SLC8A1: variants seen among roughly 807,000 people sequenced by gnomAD.
SLC8A1 encodes the protein sodium/calcium exchanger 1.
SLC8A1 carries 18 observed loss-of-function variants against 68.3 expected under a neutral mutation model. The observed-to-expected ratio is 0.26, with a 90% CI of 0.18 to 0.39. SLC8A1 has a LOEUF of 0.39. Ranked by LOEUF, SLC8A1 falls within the 10% of genes least tolerant of loss-of-function variation. The pLI is 1.00. For missense variants in SLC8A1, 985 were observed against 1,156.7 expected (o/e 0.85, Z 2.15); for synonymous variants, 475 against 415.5 (o/e 1.14, Z -1.74).
At chr2:40,215,228 T>G (rs1405348666) in intron 2 of SLC8A1, among the ~76,000 whole-genome samples, 1 of 152,072 alleles carries the variant, frequency 6.6e-6, no homozygotes, top group African/African-American at 2.4e-5. Context: ...TGAAGTGGTG[T>G]GTTCATGGCT....
At chr2:40,304,849 C>A (rs779946318) in intron 2 of SLC8A1, among the ~76,000 whole-genome samples, 14 of 152,154 alleles carry the variant, frequency 9.2e-5, no homozygotes, top group Non-Finnish European at 1.8e-4. Context: ...CAGAGATGAA[C>A]CCAGGTGGAA....
At chr2:40,501,898 A>C (rs906812311) in intron 1 of SLC8A1, among the ~76,000 whole-genome samples, 18 of 152,052 alleles carry the variant, frequency 1.2e-4, no homozygotes, top group Admixed American at 1.1e-3. Context: ...CAAAGTGTCA[A>C]AGGAACTTTT....
Position 40,485,604 on chromosome 2 carries a change from T to C in SLC8A1, c.-25+26745A>G, listed in dbSNP as rs76437593. ...TAATTCATCTTTATTTCAACAATCA[T>C]TGTGGTCATTTTGCTCTGATTTCTC... On this transcript the variant is annotated intron_variant, in intron 1 of 7. Transcript: ENST00000402441. 8.9e-3 allele frequency among the ~76,000 whole-genome samples: 1,353 copies of C among 152,328 alleles called. 16 individuals are homozygous for C. Among genetic ancestry groups the C allele is most frequent in the African/African-American group, 0.03 (1,237 of 41,568 alleles).
chr2:40,384,931 C>A (rs1008804718), intron 2 of SLC8A1, among the ~76,000 whole-genome samples: 2 of 151,938 alleles, frequency 1.3e-5, no homozygotes, highest in Non-Finnish European at 2.9e-5. Flanking sequence ...ACAAGGATTG[C>A]ATAATCAAGG....
chr2:40,353,992 G>A (rs1671915554), intron 2 of SLC8A1, among the ~76,000 whole-genome samples: 1 of 152,208 alleles, frequency 6.6e-6, no homozygotes, highest in South Asian at 2.1e-4. Context: ...TCAACACAAT[G>A]CCAGGTTGAA....
intron 5 of SLC8A1, among the ~76,000 whole-genome samples, 197 bp from the exon 9 acceptor site, chr2:40,161,061 A>G (rs1193889170): frequency 2.6e-5 from 4 of 152,158 alleles, no homozygotes; most frequent in Non-Finnish European, 4.4e-5. Flanking sequence ...CTGAAATGGA[A>G]ACTTCTTTGT....
intron 1 of SLC8A1, among the ~76,000 whole-genome samples, chr2:40,442,548 A>C (rs1700709470): frequency 6.6e-6 from 1 of 152,244 alleles, no homozygotes; most frequent in Non-Finnish European, 1.5e-5. Context: ...TCAAAACCAC[A>C]ATGAGATACC....
At chr2:40,337,421 G>C (rs183987250) in intron 2 of SLC8A1, 7 of 266,150 alleles carry the variant, frequency 2.6e-5, no homozygotes, top group Non-Finnish European at 3.3e-5. Flanking sequence ...CTTTAAGAAA[G>C]TACCTGATTC....
chr2:40,160,660 C>T (rs1328826119), intron 6 of SLC8A1, 105 bp downstream of exon 9: 23 of 913,250 alleles, frequency 2.5e-5, no homozygotes, highest in Non-Finnish European at 3.4e-5. Flanking sequence ...TTAATTTTGC[C>T]ATGGAAGCCC....
At chr2:40,283,161 C>T (rs1393003580) in intron 2 of SLC8A1, among the ~76,000 whole-genome samples, 1 of 152,096 alleles carries the variant, frequency 6.6e-6, no homozygotes, top group African/African-American at 2.4e-5. Flanking sequence ...AAAATAAAAT[C>T]CAAAAACATT....
At chr2:40,247,430 A>G (rs2062027475) in intron 2 of SLC8A1, among the ~76,000 whole-genome samples, 1 of 74,082 alleles carries the variant, frequency 1.3e-5, no homozygotes, top group Non-Finnish European at 3.3e-5. Flanking sequence ...AAAACAGCAT[A>G]TATATGTGTG....
intron 2 of SLC8A1, among the ~76,000 whole-genome samples, chr2:40,411,309 C>A (rs4366950): frequency 0.48 from 73,318 of 151,786 alleles, 19,719 homozygotes; most frequent in African/African-American, 0.73. Flanking sequence ...TTAGCAAAAA[C>A]CCTTAAAGTA....
At chr2:40,447,588 TAAAAAA>T (rs139695930) in intron 1 of SLC8A1, among the ~76,000 whole-genome samples, 9 of 139,284 alleles carry the variant, frequency 6.5e-5, no homozygotes, top group Admixed American at 1.4e-4. Context: ...CAATCCAAGT[TAAAAAA>T]AAAAAAAAAA....
intron 6 of SLC8A1, among the ~76,000 whole-genome samples, chr2:40,155,390 A>G (rs1022166339): frequency 3.3e-5 from 5 of 152,088 alleles, no homozygotes; most frequent in Non-Finnish European, 7.4e-5. Flanking sequence ...CGGCCTCCCA[A>G]AGTGCTGGGA....
At chr2:40,117,310 C>G (rs144252513) in intron 7 of SLC8A1, among the ~76,000 whole-genome samples, 1 of 145,522 alleles carries the variant, frequency 6.9e-6, no homozygotes, top group Non-Finnish European at 1.5e-5. Flanking sequence ...TTTGGGAGGC[C>G]GAGATGGGCG....
intron 3 of SLC8A1, among the ~76,000 whole-genome samples, chr2:40,176,261 C>T (rs1013221288): frequency 6.6e-6 from 1 of 152,086 alleles, no homozygotes; most frequent in East Asian, 1.9e-4. Context: ...TGACAAGAAT[C>T]CACTTGGCGG....
At chr2:40,458,439 A>G (rs1471737555) in intron 1 of SLC8A1, among the ~76,000 whole-genome samples, 2 of 152,094 alleles carry the variant, frequency 1.3e-5, no homozygotes, top group Admixed American at 1.3e-4. Flanking sequence ...TAGAACATGT[A>G]TCGTCCCCTG....
At chr2:40,216,507 A>G (rs371869331) in intron 2 of SLC8A1, among the ~76,000 whole-genome samples, 4 of 152,080 alleles carry the variant, frequency 2.6e-5, no homozygotes, top group African/African-American at 9.7e-5. Context: ...TATTCCTTTG[A>G]GTGTATACCC....
At chr2:40,113,042 A>AAAAT (rs2034760104) in exon 8 of SLC8A1, 1 of 152,342 alleles carries the variant, frequency 6.6e-6, no homozygotes, top group Non-Finnish European at 1.5e-5. Context: ...TTTACTCATG[A>AAAAT]AAATAGTAAT....
Sources: gnomAD v4.1 joint callset for allele counts (sites outside exome capture counted in the v4.1 genomes callset) on GRCh38, gnomAD v4.1.1 for gene constraint, MANE v1.5 for transcripts, NCBI Gene and HGNC (gene_info 2026-07-23, HGNC 2026-07-21) for gene names.